KIAA1217: variants seen among roughly 807,000 people sequenced by gnomAD.
KIAA1217 encodes sickle tail protein homolog.
A neutral mutation model predicts 163.9 loss-of-function variants in KIAA1217; 88 were observed. That is an observed-to-expected ratio of 0.54 (90% CI 0.45 to 0.64). KIAA1217 has a LOEUF of 0.64. Ranked by LOEUF, KIAA1217 falls within the 30% of genes least tolerant of loss-of-function variation. The pLI, the probability that KIAA1217 is intolerant of heterozygous loss-of-function variation, is 0.00. For synonymous variants in KIAA1217, 903 were observed against 923.1 expected (o/e 0.98, Z 0.39); for missense variants, 2,372 against 2,475.0 (o/e 0.96, Z 0.88).
chr10:24,108,007 G>A (rs1394550309), intron 2 of KIAA1217, among the ~76,000 whole-genome samples: 3 of 152,122 alleles, frequency 2.0e-5, no homozygotes, highest in Non-Finnish European at 4.4e-5. Flanking sequence ...AGGTAGGTCT[G>A]GGGGTTCATC....
chr10:24,099,524 T>C (rs1240865918), intron 2 of KIAA1217, among the ~76,000 whole-genome samples: 1 of 150,312 alleles, frequency 6.7e-6, no homozygotes, highest in African/African-American at 2.4e-5. Context: ...TCATCCTTTT[T>C]TATGGCTGCA....
chr10:23,938,282 A>T (rs1387087612), intron 1 of KIAA1217, among the ~76,000 whole-genome samples: 1 of 152,192 alleles, frequency 6.6e-6, no homozygotes, highest in Non-Finnish European at 1.5e-5. Context: ...AGCCAGGCAA[A>T]GTCAGGAAAA....
intron 2 of KIAA1217, among the ~76,000 whole-genome samples, chr10:24,285,845 T>C (rs1411620663): frequency 3.3e-5 from 5 of 152,194 alleles, no homozygotes; most frequent in Non-Finnish European, 5.9e-5. Context: ...GGAATGTTTT[T>C]CCATTTGCTT....
intron 4 of KIAA1217, among the ~76,000 whole-genome samples, chr10:24,437,630 T>G (rs147284127): frequency 2.0e-4 from 31 of 152,356 alleles, no homozygotes; most frequent in African/African-American, 7.2e-4. Context: ...GATATTCATG[T>G]GCTCTTCGAT....
At chr10:24,008,158 TTAGATAGATAGA>T (rs60229610) in intron 2 of KIAA1217, among the ~76,000 whole-genome samples, 5,759 of 148,348 alleles carry the variant, frequency 0.039, 250 homozygotes, top group African/African-American at 0.11. Flanking sequence ...AGGTAGGAAA[TTAGATAGATAGA>T]TAGATAGATA....
intron 1 of KIAA1217, among the ~76,000 whole-genome samples, chr10:23,939,629 G>C (rs1330275172): frequency 6.6e-6 from 1 of 151,830 alleles, no homozygotes; most frequent in Non-Finnish European, 1.5e-5. Context: ...TAATAACAGA[G>C]CTTCAAAATA....
intron 1 of KIAA1217, among the ~76,000 whole-genome samples, chr10:23,985,959 C>T (rs971062123): frequency 6.6e-6 from 1 of 152,152 alleles, no homozygotes; most frequent in Non-Finnish European, 1.5e-5. Flanking sequence ...CTGCCTTGTG[C>T]GTCCCATGGC....
At chr10:24,262,847 G>A (rs1214899783) in intron 2 of KIAA1217, among the ~76,000 whole-genome samples, 1 of 151,924 alleles carries the variant, frequency 6.6e-6, no homozygotes, top group Non-Finnish European at 1.5e-5. Flanking sequence ...CTACTTGGGA[G>A]GCTGAGGTGG....
intron 1 of KIAA1217, among the ~76,000 whole-genome samples, chr10:23,752,974 G>C (rs975773366): frequency 2.6e-5 from 4 of 152,182 alleles, no homozygotes; most frequent in African/African-American, 9.7e-5. Flanking sequence ...AAGAAGTTAA[G>C]TGCCTACCCC....
At chr10:24,108,271 A>G (rs2062707180) in intron 2 of KIAA1217, among the ~76,000 whole-genome samples, 2 of 152,246 alleles carry the variant, frequency 1.3e-5, no homozygotes, top group African/African-American at 4.8e-5. Context: ...ATTACTTCAC[A>G]GCCAAAAATA....
chr10:23,936,251 C>T (rs1843519524), intron 1 of KIAA1217, among the ~76,000 whole-genome samples: 1 of 151,938 alleles, frequency 6.6e-6, no homozygotes, highest in Non-Finnish European at 1.5e-5. Flanking sequence ...ATGATGTCAC[C>T]CATAAAGGTC....
chr10:24,122,913 T>C (rs1012526422), intron 2 of KIAA1217, among the ~76,000 whole-genome samples: 14 of 151,708 alleles, frequency 9.2e-5, no homozygotes, highest in African/African-American at 3.4e-4. Flanking sequence ...TAAAACATAA[T>C]ATAAAATAGT....
chr10:24,521,837 G>A lies in KIAA1217; in HGVS notation c.2364G>A (p.Glu788=), dbSNP rs545640884. ...KMRAILRIEV[E]AVRFLKEEPH... ...GAGCCATCCTGCGCATAGAAGTGGA[G>A]GCCGTGCGGTTTCTGAAGGAGGAGC... The change falls in exon 12 of 21, where the codon GAG becomes GAA. Residue 788 remains glutamate (E), a synonymous_variant. Coordinates refer to ENST00000376454, the MANE Select transcript of KIAA1217 (RefSeq NM_019590.5). 9 of 1,613,842 alleles carry A rather than the reference G, an allele frequency of 5.6e-6. No homozygotes were observed. In the South Asian group the frequency reaches 8.8e-5, roughly 16 times the overall value.
At chr10:23,709,497 T>G (rs1837098375) in intron 1 of KIAA1217, among the ~76,000 whole-genome samples, 1 of 151,366 alleles carries the variant, frequency 6.6e-6, no homozygotes, top group Non-Finnish European at 1.5e-5. Flanking sequence ...CCACTGCACT[T>G]CAGCATGAGT....
At chr10:24,024,931 G>T (rs1158541931) in intron 2 of KIAA1217, among the ~76,000 whole-genome samples, 1 of 151,690 alleles carries the variant, frequency 6.6e-6, no homozygotes, top group East Asian at 1.9e-4. Context: ...GCAGATGCAA[G>T]TCTGTTATCA....
At chr10:23,924,220 G>T (rs1334799718) in intron 1 of KIAA1217, among the ~76,000 whole-genome samples, 2 of 151,200 alleles carry the variant, frequency 1.3e-5, no homozygotes, top group African/African-American at 4.9e-5. Context: ...CACTGTGTTT[G>T]GGGTAATTTG....
chr10:23,971,199 A>C (rs1270081909), intron 1 of KIAA1217, among the ~76,000 whole-genome samples: 2 of 152,064 alleles, frequency 1.3e-5, no homozygotes, highest in Non-Finnish European at 2.9e-5. Flanking sequence ...GAGGTTGTAC[A>C]CATGCTCTTT....
chr10:23,800,912 T>C (rs999819152), intron 1 of KIAA1217, among the ~76,000 whole-genome samples: 6 of 152,140 alleles, frequency 3.9e-5, no homozygotes, highest in African/African-American at 1.4e-4. Context: ...TGGAACATAG[T>C]GTGGCAATTT....
intron 1 of KIAA1217, among the ~76,000 whole-genome samples, chr10:23,826,490 G>C (rs1184017323): frequency 6.6e-6 from 1 of 152,112 alleles, no homozygotes; most frequent in African/African-American, 2.4e-5. Flanking sequence ...CTAGGAGTTC[G>C]ATAAAAGAAA....
Sources: allele counts gnomAD v4.1 joint callset (sites outside exome capture counted in the v4.1 genomes callset), GRCh38; gene constraint gnomAD v4.1.1; transcripts MANE v1.5; gene names NCBI Gene and HGNC (gene_info 2026-07-23, HGNC 2026-07-21).